Variants in SEPHS1 observed in about 807,000 individuals in gnomAD.
SEPHS1 encodes zincore component SEPHS1.
SEPHS1 carries 7 observed loss-of-function variants against 39.2 expected under a neutral mutation model. That is an observed-to-expected ratio of 0.18 (90% CI 0.10 to 0.34). SEPHS1 has a LOEUF of 0.34. SEPHS1 is among the 10% of genes least tolerant of loss of function. The pLI is 1.00. For missense variants in SEPHS1, 253 were observed against 514.5 expected (o/e 0.49, Z 4.92); for synonymous variants, 190 against 195.5 (o/e 0.97, Z 0.23).
At chr10:13,345,422 C>T (rs921055598) in intron 1 of SEPHS1, 2 of 153,882 alleles carry the variant, frequency 1.3e-5, no homozygotes, top group Admixed American at 1.3e-4. Flanking sequence ...GCTAAGGTGA[C>T]TTTTCCGCAA....
intron 7 of SEPHS1, among the ~76,000 whole-genome samples, chr10:13,323,329 C>T (rs997059582): frequency 3.9e-5 from 6 of 152,058 alleles, no homozygotes; most frequent in Non-Finnish European, 8.8e-5. Context: ...GTAAACCGGC[C>T]AAGACCATCC....
intron 6 of SEPHS1, 34 bp from the exon 7 acceptor site, chr10:13,328,484 A>G: frequency 7.0e-7 from 1 of 1,435,488 alleles, no homozygotes; most frequent in Non-Finnish European, 9.8e-7. Flanking sequence ...GGAGAGAAAG[A>G]GAGGAAAATG....
chr10:13,323,086 T>G (rs1833162658), intron 7 of SEPHS1, 39 bp from the exon 8 acceptor site: 3 of 1,548,952 alleles, frequency 1.9e-6, no homozygotes, highest in Non-Finnish European at 1.8e-6. Flanking sequence ...AAAAACACCT[T>G]TCCTCAACTC....
chr10:13,344,498 C>T (rs1833874363), intron 2 of SEPHS1, among the ~76,000 whole-genome samples: 2 of 151,814 alleles, frequency 1.3e-5, no homozygotes, highest in South Asian at 4.2e-4. Flanking sequence ...ACATTGATTG[C>T]TCTTCTAATC....
chr10:13,327,432 G>C (rs1168047434), intron 7 of SEPHS1, among the ~76,000 whole-genome samples: 3 of 151,992 alleles, frequency 2.0e-5, no homozygotes, highest in Non-Finnish European at 4.4e-5. Flanking sequence ...AGTCCTGGAA[G>C]AATACATAAA....
At chr10:13,330,903 G>A (rs1303452213) in intron 5 of SEPHS1, among the ~76,000 whole-genome samples, 2 of 151,876 alleles carry the variant, frequency 1.3e-5, no homozygotes, top group Admixed American at 6.6e-5. Flanking sequence ...TGATACATAG[G>A]TATACATGTG....
intron 8 of SEPHS1, among the ~76,000 whole-genome samples, chr10:13,320,330 C>A (rs926238441): frequency 6.6e-6 from 1 of 151,748 alleles, no homozygotes; most frequent in Non-Finnish European, 1.5e-5. Flanking sequence ...TACAGGCGCC[C>A]GCCACCACAC....
At chr10:13,323,070 C>G (rs777175724) in intron 7 of SEPHS1, 23 bp from the exon 8 acceptor site, 1 of 1,608,098 alleles carries the variant, frequency 6.2e-7, no homozygotes, top group South Asian at 1.1e-5. Flanking sequence ...GGGGGCGGCT[C>G]TGAGAAAAAA....
intron 7 of SEPHS1, among the ~76,000 whole-genome samples, chr10:13,323,310 C>T (rs1211573990): frequency 6.6e-6 from 1 of 152,130 alleles, no homozygotes; most frequent in African/African-American, 2.4e-5. Context: ...ATTATGATCT[C>T]AGTGGAAGGT....
chr10:13,347,824 G>A (rs1833976676), intron 1 of SEPHS1, among the ~76,000 whole-genome samples, 176 bp downstream of exon 1: 1 of 142,272 alleles, frequency 7.0e-6, no homozygotes, highest in Admixed American at 6.9e-5. Context: ...TTTTAAAGCG[G>A]CCCCACCAAG....
At chr10:13,344,273 T>A (rs1291431168) in intron 2 of SEPHS1, among the ~76,000 whole-genome samples, 2 of 152,106 alleles carry the variant, frequency 1.3e-5, no homozygotes, top group African/African-American at 2.4e-5. Context: ...ATTTTAGGAG[T>A]CCTTTTAGGA....
intron 2 of SEPHS1, among the ~76,000 whole-genome samples, chr10:13,339,671 G>A (rs1833733519): frequency 6.6e-6 from 1 of 152,078 alleles, no homozygotes; most frequent in African/African-American, 2.4e-5. Flanking sequence ...AACATCCACA[G>A]ATGCTCAAAT....
At chr10:13,346,644 G>A (rs36108296) in intron 1 of SEPHS1, among the ~76,000 whole-genome samples, 2 of 138,622 alleles carry the variant, frequency 1.4e-5, no homozygotes, top group African/African-American at 6.8e-5. Flanking sequence ...GACTTGGAAG[G>A]CGTTTTCAAC....
intron 1 of SEPHS1, among the ~76,000 whole-genome samples, chr10:13,346,052 C>G (rs770819827): frequency 1.3e-5 from 2 of 152,232 alleles, no homozygotes; most frequent in East Asian, 3.8e-4. Context: ...AGCAAAACAT[C>G]CAGCCCAACA....
intron 5 of SEPHS1, among the ~76,000 whole-genome samples, chr10:13,333,445 CT>C (rs879788347): frequency 2.3e-3 from 308 of 133,956 alleles, no homozygotes; most frequent in African/African-American, 3.8e-3. Flanking sequence ...GCGTTCTTGT[CT>C]TTTTTTTTTT....
chr10:13,346,939 A>C (rs577456091), intron 1 of SEPHS1, among the ~76,000 whole-genome samples: 3 of 152,258 alleles, frequency 2.0e-5, no homozygotes, highest in Non-Finnish European at 4.4e-5. Flanking sequence ...AATGGTACTA[A>C]GGACACAAAT....
At chr10:13,330,902 G>C (rs749890805) in intron 5 of SEPHS1, among the ~76,000 whole-genome samples, 1 of 151,882 alleles carries the variant, frequency 6.6e-6, no homozygotes. Context: ...TTGATACATA[G>C]GTATACATGT....
chr10:13,321,574 G>A (rs529846943), intron 8 of SEPHS1, among the ~76,000 whole-genome samples: 50 of 152,140 alleles, frequency 3.3e-4, no homozygotes, highest in African/African-American at 9.9e-4. Context: ...ACTCTTTTGC[G>A]GGTAGAAAAC....
intron 1 of SEPHS1, 46 bp from the exon 2 acceptor site, chr10:13,345,074 T>A (rs980866609): frequency 1.2e-5 from 10 of 865,332 alleles, no homozygotes; most frequent in Non-Finnish European, 5.0e-6. Flanking sequence ...GAATTCCCAC[T>A]GGGACCTGCC....
Sources: gnomAD v4.1 joint callset for allele counts (sites outside exome capture counted in the v4.1 genomes callset) on GRCh38, gnomAD v4.1.1 for gene constraint, MANE v1.5 for transcripts, NCBI Gene and HGNC (gene_info 2026-07-23, HGNC 2026-07-21) for gene names.